STAM2: variants seen among roughly 807,000 people sequenced by gnomAD.
The protein encoded by STAM2 is signal transducing adaptor molecule 2.
STAM2 carries 51 observed loss-of-function variants against 65.6 expected under a neutral mutation model. That is an observed-to-expected ratio of 0.78 (90% confidence interval 0.62 to 0.98). STAM2 has a LOEUF of 0.98. Among genes scored for constraint, STAM2 ranks in the 50% least tolerant of loss-of-function variants. The pLI, the probability that STAM2 is intolerant of heterozygous loss-of-function variation, is 0.00. For synonymous variants in STAM2, 198 were observed against 208.4 expected, an observed-to-expected ratio of 0.95 and a Z score of 0.43; for missense variants, 584 against 617.8, an observed-to-expected ratio of 0.95 and a Z score of 0.58.
intron 1 of STAM2, 148 bp from the exon 2 acceptor site, chr2:152,150,377 A>G (rs182812323): frequency 3.8e-6 from 2 of 526,608 alleles, no homozygotes; most frequent in East Asian, 3.1e-5. Flanking sequence ...TACTTCTACT[A>G]ACTTCAATTT....
At chr2:152,163,850 G>A (rs1229466675) in intron 1 of STAM2, among the ~76,000 whole-genome samples, 2 of 152,172 alleles carry the variant, frequency 1.3e-5, no homozygotes, top group Non-Finnish European at 2.9e-5. Context: ...GGCTTACTAG[G>A]ATTGGGAAAC....
chr2:152,143,384 A>C (rs1371954703), intron 7 of STAM2, among the ~76,000 whole-genome samples: 1 of 152,232 alleles, frequency 6.6e-6, no homozygotes. Flanking sequence ...TGACAGCTTT[A>C]AATGGCAGAG....
rs745318867 is a variant in STAM2 at position 152,117,962 on chromosome 2, G to A, written c.*2612C>T. On this transcript the variant is annotated 3_prime_UTR_variant, in exon 14 of 14. Coordinates refer to ENST00000263904, the MANE Select transcript of STAM2 (RefSeq NM_005843.6). ...ATTTTATAAATAAATTACCAAATTA[G>A]AAGACAGTATTGGTTGACTACATTT... The A allele has an allele frequency of 6.6e-6, 1 of 151,940 alleles. No individual in the cohort carries two copies. Among genetic ancestry groups the A allele is most frequent in the Non-Finnish European group, 1.5e-5 (1 of 67,974 alleles). 9.4% of individuals were successfully genotyped at this position (151,940 alleles called of 1,614,324 possible).
intron 2 of STAM2, among the ~76,000 whole-genome samples, chr2:152,149,157 ATTATCTACTGTG>A (rs1363854342): frequency 1.7e-4 from 26 of 152,044 alleles, no homozygotes; most frequent in African/African-American, 5.6e-4. Context: ...TTTTTGTTAT[ATTATCTACTGTG>A]TTATCTACTT....
At chr2:152,170,361 T>C (rs768111362) in intron 1 of STAM2, among the ~76,000 whole-genome samples, 1 of 151,816 alleles carries the variant, frequency 6.6e-6, no homozygotes, top group African/African-American at 2.4e-5. Flanking sequence ...CAGGCGTCTG[T>C]AATCCCAGCT....
intron 7 of STAM2, among the ~76,000 whole-genome samples, chr2:152,136,891 T>C (rs896305294): frequency 1.3e-5 from 2 of 149,524 alleles, no homozygotes; most frequent in Non-Finnish European, 3.0e-5. Flanking sequence ...TAAACATTTT[T>C]CTTTTTTTTT....
At chr2:152,160,610 T>A (rs1481758851) in intron 1 of STAM2, among the ~76,000 whole-genome samples, 1 of 122,838 alleles carries the variant, frequency 8.1e-6, no homozygotes. Context: ...AGGTGGGGGG[T>A]CAGCCCCACC....
Position 152,118,630 on chromosome 2 carries a change from G to A in STAM2, c.*1944C>T, listed in dbSNP as rs1356040160. ...CATTAAAATAAGTTTATTAAATAGA[G>A]TTTGGGAGAAAAAAAGTAAGAAATT... On this transcript the variant is annotated 3_prime_UTR_variant, in exon 14 of 14. Transcript: ENST00000263904. 2.3e-4 allele frequency: 35 copies of A among 151,558 alleles called. No homozygotes were observed. Among genetic ancestry groups the A allele is most frequent in the Admixed American group, 2.3e-3 (35 of 15,204 alleles). 9.4% of individuals were successfully genotyped at this position (151,558 alleles called of 1,614,324 possible). A position where few individuals can be genotyped will look rare whatever the true frequency, so the allele number is the denominator to read the frequency against.
intron 2 of STAM2, among the ~76,000 whole-genome samples, chr2:152,149,450 T>C (rs981809106): frequency 2.6e-5 from 4 of 151,598 alleles, no homozygotes. Context: ...CGAAAATCTG[T>C]GTATAACTTT....
chr2:152,143,360 T>G (rs951505084), intron 7 of STAM2, among the ~76,000 whole-genome samples: 2 of 152,206 alleles, frequency 1.3e-5, no homozygotes, highest in Non-Finnish European at 1.5e-5. Context: ...CTACAGAGAT[T>G]GATCTATTTT....
chr2:152,137,926 G>A (rs1428243918), intron 7 of STAM2, among the ~76,000 whole-genome samples: 1 of 151,984 alleles, frequency 6.6e-6, no homozygotes, highest in Admixed American at 6.6e-5. Context: ...ATCTATTCAT[G>A]AGCCTATTTC....
In STAM2 at chr2:152,150,149, T is replaced by G; in HGVS notation, c.121A>C (p.Asn41His). The change falls in exon 2 of 14, where the codon AAT becomes CAT. Residue 41 changes from asparagine (N) to histidine (H), a missense_variant. Coordinates refer to ENST00000263904, the MANE Select transcript of STAM2 (RefSeq NM_005843.6). ...GAGCATGACTGGACATCTTACCCAT[T>G]AGGAGTACTTCCAACTTTGTCACAT... Reference protein sequence around the residue: ...DICDKVGSTPNGAKDCLKAIM... With the variant: ...DICDKVGSTPHGAKDCLKAIM... 6.2e-7 allele frequency: 1 copy of G among 1,606,626 alleles called. No individual in the cohort carries two copies. Among genetic ancestry groups the G allele is most frequent in the Non-Finnish European group, 8.5e-7 (1 of 1,173,496 alleles).
At chr2:152,140,002 A>G (rs1209368738) in intron 7 of STAM2, among the ~76,000 whole-genome samples, 1 of 152,238 alleles carries the variant, frequency 6.6e-6, no homozygotes, top group East Asian at 1.9e-4. Flanking sequence ...GCCATTTTAT[A>G]TCGAAGACTT....
At chr2:152,135,991 G>A (rs994657658) in intron 7 of STAM2, among the ~76,000 whole-genome samples, 5 of 151,406 alleles carry the variant, frequency 3.3e-5, no homozygotes, top group East Asian at 1.9e-4. Flanking sequence ...TTGGGAGGCT[G>A]AGGCAGGAGA....
chr2:152,134,525 C>T (rs563870419), intron 8 of STAM2, among the ~76,000 whole-genome samples: 25 of 152,268 alleles, frequency 1.6e-4, no homozygotes, highest in African/African-American at 5.3e-4. Flanking sequence ...CATACAAAGA[C>T]GATGTTACAC....
intron 1 of STAM2, among the ~76,000 whole-genome samples, chr2:152,151,512 C>T (rs184634048): frequency 7.0e-4 from 107 of 152,270 alleles, no homozygotes; most frequent in Non-Finnish European, 1.3e-3. Context: ...AGCTTTATCG[C>T]TATAATTCAT....
At chr2:152,159,735 A>AGTCTCCCTCTCCCTCTCTTTCCACG (rs1433604945) in intron 1 of STAM2, among the ~76,000 whole-genome samples, 1 of 151,918 alleles carries the variant, frequency 6.6e-6, no homozygotes, top group African/African-American at 2.4e-5. Flanking sequence ...CTCTCCCCAC[A>AGTCTCCCTCTCCCTCTCTTTCCACG]GTCTCCCTCT....
chr2:152,117,755 G>A lies in STAM2; in HGVS notation c.*2819C>T, dbSNP rs1047347584. The A allele has an allele frequency of 7.2e-5, 11 of 151,882 alleles. No homozygotes were observed. Among genetic ancestry groups the A allele is most frequent in the Non-Finnish European group, 1.5e-4 (10 of 67,968 alleles). The allele number at this position is 151,882 out of a possible 1,614,324, so 9.4% of individuals were successfully genotyped here. On this transcript the variant is annotated 3_prime_UTR_variant, in exon 14 of 14. Transcript: ENST00000263904. ...AAACCTTTTTAAAAAAAATCCCTAAGCTATATGTTTTTAAAACATTTAAAA... is the reference window on the plus strand; with the variant it reads ...AAACCTTTTTAAAAAAAATCCCTAAACTATATGTTTTTAAAACATTTAAAA...
Position 152,175,720 on chromosome 2 carries a change from G to A in STAM2, c.-78C>T, listed in dbSNP as rs2105577473. 1.3e-6 allele frequency: 2 copies of A among 1,505,742 alleles called. No individual in the cohort carries two copies. The highest frequency in any genetic ancestry group is 1.8e-6 in the Non-Finnish European group (2 of 1,106,954). The allele number at this position is 1,505,742 out of a possible 1,614,324, so 93.3% of individuals were successfully genotyped here. A position where few individuals can be genotyped will look rare whatever the true frequency, so the allele number is the denominator to read the frequency against. On this transcript the variant is annotated 5_prime_UTR_variant, in exon 1 of 14. Coordinates refer to ENST00000263904, the MANE Select transcript of STAM2 (RefSeq NM_005843.6). ...GCTACCCGCCGGGTGACCCGCGGCC[G>A]CGGCTCCCTAGACCGCTCCGCTTCG...
Sources: allele counts gnomAD v4.1 joint callset (sites outside exome capture counted in the v4.1 genomes callset), GRCh38; gene constraint gnomAD v4.1.1; transcripts MANE v1.5; gene names NCBI Gene and HGNC (gene_info 2026-07-23, HGNC 2026-07-21).